The following RAD51B variants were observed in gnomAD, a reference collection of about 807,000 sequenced individuals.
The protein encoded by RAD51B is RAD51 paralog B.
RAD51B carries 38 observed loss-of-function variants against 42.2 expected under a neutral mutation model. That is an observed-to-expected ratio of 0.90 (90% CI 0.70 to 1.18). The LOEUF is 1.18. Among genes scored for constraint, RAD51B ranks in the 50% most tolerant of loss-of-function variants. RAD51B has a pLI of 0.00. For missense variants in RAD51B, 373 were observed against 400.7 expected (o/e 0.93, Z 0.59); for synonymous variants, 154 against 145.2 (o/e 1.06, Z -0.43).
chr14:68,405,198 C>T (rs963162816), intron 8 of RAD51B, among the ~76,000 whole-genome samples: 1 of 152,196 alleles, frequency 6.6e-6, no homozygotes, highest in Non-Finnish European at 1.5e-5. Flanking sequence ...AAGATTTAAG[C>T]TTACATAGTG....
chr14:68,403,915 G>A (rs937581988), intron 8 of RAD51B, among the ~76,000 whole-genome samples: 1 of 152,136 alleles, frequency 6.6e-6, no homozygotes, highest in African/African-American at 2.4e-5. Flanking sequence ...GGGTCATCAA[G>A]AACCTCTGGT....
chr14:68,163,883 G>T (rs942305989), intron 7 of RAD51B, among the ~76,000 whole-genome samples: 5 of 152,126 alleles, frequency 3.3e-5, no homozygotes, highest in African/African-American at 9.7e-5. Context: ...ACATTAGGAA[G>T]GACAGTAATA....
downstream of RAD51B, among the ~76,000 whole-genome samples, chr14:68,613,418 CAA>C (rs112036417): frequency 7.2e-6 from 1 of 138,528 alleles, no homozygotes; most frequent in African/African-American, 2.7e-5. Flanking sequence ...AACTCTGTCT[CAA>C]AAAAAAAAAG....
chr14:68,479,352 A>T (rs1882977436), downstream of RAD51B, among the ~76,000 whole-genome samples: 1 of 152,198 alleles, frequency 6.6e-6, no homozygotes, highest in South Asian at 2.1e-4. Flanking sequence ...GTTGGCCTTG[A>T]AAAAACAGCA....
chr14:68,274,815 T>C (rs1019332967), intron 7 of RAD51B, among the ~76,000 whole-genome samples: 2 of 152,254 alleles, frequency 1.3e-5, no homozygotes, highest in Non-Finnish European at 2.9e-5. Context: ...CTTGTTCTGC[T>C]AGATCTTATA....
At chr14:67,823,497 C>A in intron 1 of RAD51B, 45 bp from the exon 2 acceptor site, 1 of 1,537,706 alleles carries the variant, frequency 6.5e-7, no homozygotes, top group South Asian at 1.1e-5. Context: ...ATGTTATATT[C>A]TGTTGTTTTT....
At chr14:68,031,702 G>A (rs959034607) in intron 7 of RAD51B, among the ~76,000 whole-genome samples, 3 of 152,116 alleles carry the variant, frequency 2.0e-5, no homozygotes, top group South Asian at 2.1e-4. Flanking sequence ...ATGAATGAAC[G>A]GCAGTTTCAG....
chr14:68,554,344 GTGT>G (rs1479674372), intron 10 of RAD51B, among the ~76,000 whole-genome samples: 2 of 152,206 alleles, frequency 1.3e-5, no homozygotes, highest in Admixed American at 1.3e-4. Context: ...TTCTTCCTGG[GTGT>G]AAAGAGTGGT....
chr14:68,576,068 C>A (rs567422540), intron 10 of RAD51B, among the ~76,000 whole-genome samples: 3 of 152,218 alleles, frequency 2.0e-5, no homozygotes, highest in Admixed American at 2.0e-4. Flanking sequence ...GTCTTGGCAG[C>A]ATAGAGGTGG....
chr14:67,898,074 A>G (rs1381139543), intron 7 of RAD51B, among the ~76,000 whole-genome samples: 3 of 152,244 alleles, frequency 2.0e-5, no homozygotes, highest in African/African-American at 4.8e-5. Context: ...ATTTCTGGCC[A>G]TATATCCAAA....
intron 10 of RAD51B, among the ~76,000 whole-genome samples, chr14:68,530,468 A>AAAAAAAAAAAAAAAAG (rs1566928019): frequency 6.9e-6 from 1 of 145,464 alleles, no homozygotes; most frequent in Non-Finnish European, 1.5e-5. Flanking sequence ...AAAAAAAAAA[A>AAAAAAAAAAAAAAAAG]AGAGATAAAG....
chr14:68,625,200 A>G (rs935300171), intron 10 of RAD51B, among the ~76,000 whole-genome samples: 3 of 152,110 alleles, frequency 2.0e-5, no homozygotes, highest in Non-Finnish European at 4.4e-5. Context: ...TGAGGAGGGA[A>G]GGCCATAGCT....
intron 8 of RAD51B, among the ~76,000 whole-genome samples, chr14:68,325,745 C>T (rs1222267672): frequency 6.6e-6 from 1 of 151,962 alleles, no homozygotes; most frequent in Non-Finnish European, 1.5e-5. Context: ...AGGGAGACAT[C>T]GATGATGTTC....
At chr14:67,824,749 C>T (rs1231975016) in intron 2 of RAD51B, among the ~76,000 whole-genome samples, 1 of 151,760 alleles carries the variant, frequency 6.6e-6, no homozygotes, top group South Asian at 2.1e-4. Flanking sequence ...TTTTCAACTA[C>T]GAAATATTAT....
At chr14:67,980,306 G>A (rs558136062) in intron 7 of RAD51B, among the ~76,000 whole-genome samples, 11 of 152,222 alleles carry the variant, frequency 7.2e-5, no homozygotes, top group South Asian at 2.1e-4. Context: ...TTAGCTGGGC[G>A]TGCTGGCGGG....
chr14:68,355,059 A>C (rs774514509), intron 8 of RAD51B, among the ~76,000 whole-genome samples: 1 of 152,190 alleles, frequency 6.6e-6, no homozygotes, highest in Non-Finnish European at 1.5e-5. Context: ...ACCGTGATGC[A>C]CAGTAAAAAG....
At chr14:67,845,026 G>C (rs2041563243) in intron 4 of RAD51B, among the ~76,000 whole-genome samples, 1 of 152,186 alleles carries the variant, frequency 6.6e-6, no homozygotes, top group Non-Finnish European at 1.5e-5. Context: ...TCTTGAAGAT[G>C]GCACACCATT....
In RAD51B at chr14:68,495,848, A is replaced by G. The variant is rs142569259; in HGVS notation, c.1036+27598A>G. Among the ~76,000 whole-genome samples the G allele has an allele frequency of 5.0e-4, 76 of 152,322 alleles. 1 individual carries two copies. In the East Asian group the frequency reaches 0.012, roughly 24 times the overall value. ...TATTAAGGGCTGCCCCTGTGTTCTC[A>G]AGGGACCCTCAGCCTCAGACACTGC... On this transcript the variant is annotated intron_variant, in intron 10 of 10. Transcript: ENST00000487270.
At chr14:67,820,517 C>A (rs1011797973) in intron 1 of RAD51B, among the ~76,000 whole-genome samples, 3 of 152,192 alleles carry the variant, frequency 2.0e-5, no homozygotes, top group South Asian at 4.1e-4. Flanking sequence ...GTGCAATACA[C>A]ATACGTGCTT....
Sources: gnomAD v4.1 joint callset for allele counts (sites outside exome capture counted in the v4.1 genomes callset) on GRCh38, gnomAD v4.1.1 for gene constraint, MANE v1.5 for transcripts, NCBI Gene and HGNC (gene_info 2026-07-23, HGNC 2026-07-21) for gene names.